The following TENM3 variants were observed in gnomAD, a reference collection of about 807,000 sequenced individuals.
TENM3 encodes teneurin transmembrane protein 3, also known as teneurin-3.
TENM3 carries 63 observed loss-of-function variants against 255.1 expected under a neutral mutation model. The ratio of observed to expected loss-of-function variants is 0.25; its 90% CI spans 0.20 to 0.30. The LOEUF (loss-of-function observed/expected upper bound fraction) is 0.30, where lower values mean the gene tolerates loss of function less well. Among genes scored for constraint, TENM3 ranks in the 10% least tolerant of loss-of-function variants. The pLI is 1.00. For missense variants in TENM3, 2,929 were observed against 3,461.1 expected, an observed-to-expected ratio of 0.85 and a Z score of 3.86; for synonymous variants, 1,306 against 1,322.3, an observed-to-expected ratio of 0.99 and a Z score of 0.27.
At chr4:181,755,647 G>A in the TENM3 span, among the ~76,000 whole-genome samples, 2 of 152,020 alleles carry the variant, frequency 1.3e-5, no homozygotes, top group Non-Finnish European at 2.9e-5. Context: ...ACTCAAACAT[G>A]TACTCCAGAA....
chr4:182,784,798 G>T (rs1302140062), intron 24 of TENM3, among the ~76,000 whole-genome samples: 12 of 152,166 alleles, frequency 7.9e-5, no homozygotes, highest in Admixed American at 3.9e-4. Context: ...CAGTATTCGG[G>T]TGGGAGTGAC....
intron 17 of TENM3, 107 bp downstream of exon 17, chr4:182,737,182 G>A: frequency 8.4e-7 from 1 of 1,197,258 alleles, no homozygotes; most frequent in African/African-American, 1.5e-5. Flanking sequence ...AATATAAAGA[G>A]AATAAGGTTG....
intron 3 of TENM3, among the ~76,000 whole-genome samples, chr4:182,362,130 G>A (rs570663865): frequency 1.3e-5 from 2 of 152,258 alleles, no homozygotes; most frequent in Admixed American, 6.5e-5. Context: ...TGCCCCTACT[G>A]GGGGGTGCCT....
In TENM3 at chr4:182,300,161, G is replaced by A. The variant is rs377000731; in HGVS notation, c.-75-23785G>A. On this transcript the variant is annotated intron_variant, in intron 1 of 27. Transcript: ENST00000511685. Reference sequence around the variant, plus strand: ...GAATTCCTGACCTCAAGTGCACAAGGCCTCTGCCTCCCAAAGTGCTTGGAT... The same window carrying A: ...GAATTCCTGACCTCAAGTGCACAAGACCTCTGCCTCCCAAAGTGCTTGGAT... 2.6e-4 allele frequency among the ~76,000 whole-genome samples: 40 copies of A among 152,196 alleles called. 3 individuals are homozygous for A. The highest frequency in any genetic ancestry group is 1.7e-3 in the South Asian group (8 of 4,826).
chr4:181,823,845 A>G, the TENM3 span, among the ~76,000 whole-genome samples: 6 of 152,146 alleles, frequency 3.9e-5, no homozygotes, highest in Admixed American at 2.0e-4. Flanking sequence ...TGACAGCTTG[A>G]TAGGTTTACT....
chr4:182,259,592 T>A (rs1222736992), intron 1 of TENM3, among the ~76,000 whole-genome samples: 1 of 152,168 alleles, frequency 6.6e-6, no homozygotes, highest in African/African-American at 2.4e-5. Flanking sequence ...GGAACAGGTG[T>A]AAGCCACCAC....
At chr4:181,534,191 T>C in the TENM3 span, among the ~76,000 whole-genome samples, 9 of 150,494 alleles carry the variant, frequency 6.0e-5, 1 homozygote, top group South Asian at 1.9e-3. Flanking sequence ...GATCACACCA[T>C]TGCACTCCAG....
chr4:182,531,483 A>C (rs1156417838), intron 3 of TENM3, among the ~76,000 whole-genome samples: 1 of 152,190 alleles, frequency 6.6e-6, no homozygotes, highest in African/African-American at 2.4e-5. Flanking sequence ...AGGGGTCCCC[A>C]AGACCACCCC....
At chr4:182,657,437 A>G (rs1478208930) in intron 6 of TENM3, among the ~76,000 whole-genome samples, 6 of 152,066 alleles carry the variant, frequency 3.9e-5, no homozygotes, top group Non-Finnish European at 4.4e-5. Flanking sequence ...ATGTGGATCT[A>G]TGCTTCCACC....
At chr4:182,212,695 C>G (rs963309195) in intron 1 of TENM3, among the ~76,000 whole-genome samples, 3 of 152,126 alleles carry the variant, frequency 2.0e-5, no homozygotes, top group African/African-American at 7.2e-5. Flanking sequence ...CCTTTGATCC[C>G]GATACCGCTG....
chr4:182,714,242 T>TA lies in TENM3; in HGVS notation c.2368+10dup, dbSNP rs1258401560. On this transcript the variant is annotated intron_variant, in intron 13 of 27. Transcript: ENST00000511685. The stretch of plus-strand genomic sequence containing the variant: ...CAAGGACAATGAAGGAGGTAAGAAA[T>TA]ACTGAGCATGAACACGAGTCTGTGC... 6.4e-7 allele frequency: 1 copy of TA among 1,566,516 alleles called. No individual in the cohort carries two copies. Among genetic ancestry groups the TA allele is most frequent in the African/African-American group, 1.5e-5 (1 of 66,912 alleles).
At chr4:181,849,949 T>TCTCTCTCTCTCTCTCACACACACACA in the TENM3 span, among the ~76,000 whole-genome samples, 29 of 65,962 alleles carry the variant, frequency 4.4e-4, no homozygotes, top group East Asian at 1.5e-3. Flanking sequence ...TCTCTCTCTC[T>TCTCTCTCTCTCTCTCACACACACACA]CACACACACA....
intron 1 of TENM3, among the ~76,000 whole-genome samples, chr4:182,230,422 C>T (rs1157906555): frequency 6.6e-6 from 1 of 152,090 alleles, no homozygotes; most frequent in Non-Finnish European, 1.5e-5. Context: ...CCTCCATCCT[C>T]CACAGCACTT....
the TENM3 span, among the ~76,000 whole-genome samples, chr4:181,924,412 G>T: frequency 6.6e-6 from 1 of 152,162 alleles, no homozygotes; most frequent in Admixed American, 6.6e-5. Context: ...TAGCTTGTAT[G>T]CAGGGTGAAA....
At chr4:181,876,899 A>G in the TENM3 span, 1 of 152,172 alleles carries the variant, frequency 6.6e-6, no homozygotes, top group Non-Finnish European at 1.5e-5. Flanking sequence ...TTAGGAAATA[A>G]TTGGAACTGT....
At chr4:181,466,126 T>TTA in the TENM3 span, among the ~76,000 whole-genome samples, 1 of 147,400 alleles carries the variant, frequency 6.8e-6, no homozygotes, top group African/African-American at 2.5e-5. Flanking sequence ...TTTTTTGTTT[T>TTA]GTTTTTTTGA....
At chr4:182,161,292 T>C (rs1330201213) in intron 1 of TENM3, among the ~76,000 whole-genome samples, 1 of 135,994 alleles carries the variant, frequency 7.4e-6, no homozygotes, top group African/African-American at 2.7e-5. Flanking sequence ...GGCGGGCGCC[T>C]GTAGTCCCAG....
chr4:182,389,846 C>T (rs955385121), intron 3 of TENM3, among the ~76,000 whole-genome samples: 3 of 152,008 alleles, frequency 2.0e-5, no homozygotes, highest in Non-Finnish European at 4.4e-5. Context: ...CCACCACTCC[C>T]GGCTAATTTT....
the TENM3 span, among the ~76,000 whole-genome samples, chr4:181,511,472 T>C: frequency 6.6e-6 from 1 of 152,020 alleles, no homozygotes; most frequent in Non-Finnish European, 1.5e-5. Context: ...AGCAAGAAGG[T>C]GTTCTCACTT....
Sources: allele counts gnomAD v4.1 joint callset (sites outside exome capture counted in the v4.1 genomes callset), GRCh38; gene constraint gnomAD v4.1.1; transcripts MANE v1.5; gene names NCBI Gene and HGNC (gene_info 2026-07-23, HGNC 2026-07-21).